RAB8B: variants seen among roughly 807,000 people sequenced by gnomAD.
RAB8B encodes the protein RAB8B, member RAS oncogene family.
A neutral mutation model predicts 32.0 loss-of-function variants in RAB8B; 11 were observed. The ratio of observed to expected loss-of-function variants is 0.34; its 90% CI spans 0.22 to 0.57. RAB8B has a LOEUF of 0.57. RAB8B is among the 20% of genes least tolerant of loss of function. The pLI, the probability that RAB8B is intolerant of heterozygous loss-of-function variation, is 0.86. For missense variants in RAB8B, 190 were observed against 258.5 expected (o/e 0.73, Z 1.82); for synonymous variants, 103 against 89.6 (o/e 1.15, Z -0.85).
At chr15:63,210,629 T>G (rs2037739031) in intron 1 of RAB8B, among the ~76,000 whole-genome samples, 1 of 152,102 alleles carries the variant, frequency 6.6e-6, no homozygotes, top group South Asian at 2.1e-4. Flanking sequence ...CTGAGATAAT[T>G]TGGATGTGGG....
rs1177060135 is a variant in RAB8B, at chr15:63,214,245, CA to C, written c.124+24498del. 6.7e-5 allele frequency among the ~76,000 whole-genome samples: 10 copies of C among 149,388 alleles called. No individual in the cohort carries two copies. The South Asian group carries it at 1.9e-3, about 29-fold the overall frequency. On this transcript the variant is annotated intron_variant, in intron 1 of 7. Coordinates refer to ENST00000321437, the MANE Select transcript of RAB8B (RefSeq NM_016530.3). The stretch of plus-strand genomic sequence containing the variant: ...AGTTTAAGTTTGAAAAAGAATTCAA[CA>C]GTGTTGAATTCCTTGGAAATGGGTA...
chr15:63,207,502 G>C (rs185594982), intron 1 of RAB8B, among the ~76,000 whole-genome samples: 16 of 151,648 alleles, frequency 1.1e-4, no homozygotes, highest in Non-Finnish European at 2.4e-4. Flanking sequence ...TTTTTTTCAG[G>C]TATTTAGGCT....
Position 63,264,411 on chromosome 15 carries a change from A to G in RAB8B, c.*792A>G, listed in dbSNP as rs1198318250. 6.6e-6 allele frequency: 1 copy of G among 152,164 alleles called. No homozygotes were observed. The highest frequency in any genetic ancestry group is 1.5e-5 in the Non-Finnish European group (1 of 68,026). 9.4% of individuals were successfully genotyped at this position (152,164 alleles called of 1,614,324 possible). On this transcript the variant is annotated 3_prime_UTR_variant, in exon 8 of 8. Transcript: ENST00000321437. ...CACTCTTAAGTAATATTTGAACATT[A>G]TTATCTGTTTCTATTTGTGAACTTC...
At chr15:63,237,787 A>G (rs765160531) in intron 1 of RAB8B, among the ~76,000 whole-genome samples, 7 of 152,076 alleles carry the variant, frequency 4.6e-5, no homozygotes, top group Non-Finnish European at 1.0e-4. Context: ...CTTGCAGGGT[A>G]TTACTGTAGA....
chr15:63,216,545 A>G (rs1172486907), intron 1 of RAB8B, among the ~76,000 whole-genome samples: 1 of 149,402 alleles, frequency 6.7e-6, no homozygotes, highest in East Asian at 2.1e-4. Flanking sequence ...CAACTTTTAA[A>G]TGTTCAGTAC....
At chr15:63,211,114 C>T (rs12913551) in intron 1 of RAB8B, among the ~76,000 whole-genome samples, 23,198 of 152,168 alleles carry the variant, frequency 0.15, 2,167 homozygotes, top group East Asian at 0.47. Context: ...TTGAGATGTG[C>T]GTCTTATCTG....
chr15:63,204,573 T>G (rs1283157708), intron 1 of RAB8B, among the ~76,000 whole-genome samples: 1 of 152,224 alleles, frequency 6.6e-6, no homozygotes, highest in East Asian at 1.9e-4. Flanking sequence ...CTCCTGAATT[T>G]TAATGAGTTT....
chr15:63,215,899 G>A (rs1310657923), intron 1 of RAB8B, among the ~76,000 whole-genome samples: 1 of 151,964 alleles, frequency 6.6e-6, no homozygotes, highest in Admixed American at 6.6e-5. Context: ...TTAGCCAGGT[G>A]TGGTGACATG....
chr15:63,201,717 C>T (rs957104621), intron 1 of RAB8B, among the ~76,000 whole-genome samples: 4 of 152,094 alleles, frequency 2.6e-5, no homozygotes, highest in Non-Finnish European at 4.4e-5. Flanking sequence ...ACTCAATAAT[C>T]ATATAAGGTA....
intron 1 of RAB8B, among the ~76,000 whole-genome samples, chr15:63,212,844 A>T (rs1184033492): frequency 6.6e-6 from 1 of 152,250 alleles, no homozygotes; most frequent in Non-Finnish European, 1.5e-5. Flanking sequence ...GTATGTGATT[A>T]TATATTCCCA....
At chr15:63,250,373 C>G (rs1280657830) in intron 3 of RAB8B, among the ~76,000 whole-genome samples, 1 of 152,164 alleles carries the variant, frequency 6.6e-6, no homozygotes, top group East Asian at 1.9e-4. Context: ...TTCAGCCCTG[C>G]CACCATTATC....
chr15:63,221,881 G>C (rs1361073545), intron 1 of RAB8B, among the ~76,000 whole-genome samples: 1 of 152,186 alleles, frequency 6.6e-6, no homozygotes, highest in Admixed American at 6.5e-5. Flanking sequence ...TGTTTGTGGA[G>C]GCATGTATCA....
At chr15:63,216,504 C>T (rs1015657317) in intron 1 of RAB8B, among the ~76,000 whole-genome samples, 1 of 150,490 alleles carries the variant, frequency 6.6e-6, no homozygotes, top group African/African-American at 2.4e-5. Flanking sequence ...GCTGGGATTA[C>T]AGGCGTGAGC....
At chr15:63,207,691 C>G (rs1224188765) in intron 1 of RAB8B, among the ~76,000 whole-genome samples, 1 of 152,024 alleles carries the variant, frequency 6.6e-6, no homozygotes, top group South Asian at 2.1e-4. Context: ...TCTCGAGTAG[C>G]TGGGACTACA....
At chr15:63,209,607 AAG>A (rs2037730654) in intron 1 of RAB8B, among the ~76,000 whole-genome samples, 2 of 152,146 alleles carry the variant, frequency 1.3e-5, no homozygotes, top group African/African-American at 2.4e-5. Context: ...TAAAATAAGA[AAG>A]AAATAATTTG....
At chr15:63,230,387 C>T (rs1344120595) in intron 1 of RAB8B, among the ~76,000 whole-genome samples, 9 of 151,830 alleles carry the variant, frequency 5.9e-5, no homozygotes, top group South Asian at 2.1e-4. Context: ...CTGCAACCTC[C>T]GCCTCCCGGG....
intron 1 of RAB8B, among the ~76,000 whole-genome samples, chr15:63,242,583 C>T (rs750951367): frequency 5.8e-4 from 89 of 152,232 alleles, no homozygotes; most frequent in Non-Finnish European, 1.1e-3. Context: ...GAGGCTGAGG[C>T]GGGAGAATCA....
At chr15:63,222,838 GC>G (rs2037856084) in intron 1 of RAB8B, among the ~76,000 whole-genome samples, 1 of 152,142 alleles carries the variant, frequency 6.6e-6, no homozygotes, top group Non-Finnish European at 1.5e-5. Context: ...ACCATGCCCG[GC>G]CCACATAAGA....
intron 1 of RAB8B, among the ~76,000 whole-genome samples, chr15:63,210,281 G>T (rs2037736367): frequency 6.6e-6 from 1 of 152,212 alleles, no homozygotes; most frequent in South Asian, 2.1e-4. Context: ...AGTGCCCTGT[G>T]AACATTGGCC....
Sources: gnomAD v4.1 joint callset for allele counts (sites outside exome capture counted in the v4.1 genomes callset) on GRCh38, gnomAD v4.1.1 for gene constraint, MANE v1.5 for transcripts, NCBI Gene and HGNC (gene_info 2026-07-23, HGNC 2026-07-21) for gene names.